GPHN: variants seen among roughly 807,000 people sequenced by gnomAD.
GPHN encodes the protein gephyrin.
Under a neutral mutation model 95.5 loss-of-function variants are expected in GPHN, and 17 were observed. The observed-to-expected ratio is 0.18, with a 90% CI of 0.12 to 0.27. The LOEUF (loss-of-function observed/expected upper bound fraction) is 0.27, where lower values mean the gene tolerates loss of function less well. Ranked by LOEUF, GPHN falls within the 10% of genes least tolerant of loss-of-function variation. The pLI is 1.00. For synonymous variants in GPHN, 320 were observed against 322.5 expected (o/e 0.99, Z 0.08); for missense variants, 660 against 978.1 (o/e 0.67, Z 4.34).
intron 13 of GPHN, among the ~76,000 whole-genome samples, chr14:67,108,563 G>A (rs929632787): frequency 2.0e-5 from 3 of 152,068 alleles, no homozygotes; most frequent in Non-Finnish European, 2.9e-5. Context: ...TAGATTGTGG[G>A]TTCAATAAAT....
the GPHN span, chr14:67,674,573 G>A: frequency 1.0e-5 from 13 of 1,250,630 alleles, no homozygotes; most frequent in Non-Finnish European, 1.4e-5. Flanking sequence ...GCCCAGCCCA[G>A]TGGCCATAAC....
chr14:67,395,985 T>G, the GPHN span, among the ~76,000 whole-genome samples: 1 of 152,122 alleles, frequency 6.6e-6, no homozygotes, highest in African/African-American at 2.4e-5. Context: ...CCCGGGCACA[T>G]TAGGAAATGA....
chr14:66,660,739 C>G (rs182355177), intron 1 of GPHN, among the ~76,000 whole-genome samples: 6 of 152,232 alleles, frequency 3.9e-5, no homozygotes, highest in Non-Finnish European at 5.9e-5. Context: ...CATCCAGGTA[C>G]TTGCATTGGG....
At chr14:66,900,338 C>T (rs2065064550) in intron 5 of GPHN, among the ~76,000 whole-genome samples, 1 of 151,762 alleles carries the variant, frequency 6.6e-6, no homozygotes, top group Admixed American at 6.6e-5. Context: ...TGATTTGAGA[C>T]TTTTCTAATG....
chr14:67,081,572 T>C (rs2076698073), intron 11 of GPHN, among the ~76,000 whole-genome samples: 1 of 152,242 alleles, frequency 6.6e-6, no homozygotes, highest in Non-Finnish European at 1.5e-5. Context: ...GCTGATTGTT[T>C]CTTTTGCTGT....
intron 2 of GPHN, among the ~76,000 whole-genome samples, chr14:66,697,695 CT>C (rs1355790070): frequency 1.7e-4 from 11 of 64,092 alleles, no homozygotes; most frequent in African/African-American, 6.6e-4. Context: ...TTTTTCTTTT[CT>C]TTTTTTTTTG....
chr14:67,620,085 G>A, the GPHN span: 735 of 1,601,366 alleles, frequency 4.6e-4, 1 homozygote, highest in African/African-American at 8.8e-3. Flanking sequence ...TCTCACAAGG[G>A]CAGGTGAGAA....
chr14:66,528,950 C>T (rs1235659292), intron 1 of GPHN, among the ~76,000 whole-genome samples: 1 of 152,092 alleles, frequency 6.6e-6, no homozygotes, highest in African/African-American at 2.4e-5. Flanking sequence ...CTTGGGGTTG[C>T]TCTTCTCAAG....
chr14:67,512,976 T>C, the GPHN span, among the ~76,000 whole-genome samples: 2 of 152,142 alleles, frequency 1.3e-5, no homozygotes, highest in Non-Finnish European at 2.9e-5. Flanking sequence ...TTAGAAACAA[T>C]ATGTAAATCT....
chr14:67,261,727 C>T, the GPHN span, among the ~76,000 whole-genome samples: 1 of 151,772 alleles, frequency 6.6e-6, no homozygotes, highest in Admixed American at 6.6e-5. Context: ...CACATATCTA[C>T]CATTTCTCTA....
chr14:67,200,921 A>G, the GPHN span, among the ~76,000 whole-genome samples: 4 of 152,208 alleles, frequency 2.6e-5, no homozygotes, highest in African/African-American at 9.7e-5. Flanking sequence ...ATATCCTTCA[A>G]GATGCACAAC....
intron 6 of GPHN, among the ~76,000 whole-genome samples, chr14:66,919,613 T>A (rs2066098854): frequency 6.6e-6 from 1 of 152,214 alleles, no homozygotes; most frequent in South Asian, 2.1e-4. Flanking sequence ...CTGTCTCCTA[T>A]TAAACAATCT....
chr14:66,578,174 G>A (rs188125686), intron 1 of GPHN, among the ~76,000 whole-genome samples: 9 of 151,478 alleles, frequency 5.9e-5, no homozygotes, highest in Admixed American at 1.3e-4. Context: ...TGGCTGAACC[G>A]AAGATATCTA....
intron 5 of GPHN, among the ~76,000 whole-genome samples, chr14:66,883,862 A>G (rs1019310013): frequency 1.3e-5 from 2 of 152,088 alleles, no homozygotes; most frequent in Non-Finnish European, 2.9e-5. Flanking sequence ...TGTCCCACGT[A>G]TTCACAGCTC....
At chr14:66,678,386 T>C (rs990544872) in intron 1 of GPHN, among the ~76,000 whole-genome samples, 1 of 151,962 alleles carries the variant, frequency 6.6e-6, no homozygotes, top group African/African-American at 2.4e-5. Flanking sequence ...CAATTGTATT[T>C]TTTTAATTTT....
At chr14:66,761,312 G>T (rs1275518421) in intron 2 of GPHN, among the ~76,000 whole-genome samples, 2 of 152,090 alleles carry the variant, frequency 1.3e-5, no homozygotes, top group African/African-American at 4.8e-5. Flanking sequence ...GCACTAGGCA[G>T]CATTTGTATA....
At chr14:67,196,177 A>G in the GPHN span, among the ~76,000 whole-genome samples, 1 of 150,518 alleles carries the variant, frequency 6.6e-6, no homozygotes, top group Non-Finnish European at 1.5e-5. Context: ...GACAAGTTTC[A>G]TACTGGAGCT....
the GPHN span, chr14:67,590,004 A>C: frequency 1.4e-6 from 2 of 1,477,094 alleles, no homozygotes; most frequent in South Asian, 2.7e-5. Context: ...GATGGTTTGG[A>C]GTACGGAAAA....
chr14:66,598,768 A>T (rs1250089273), intron 1 of GPHN, among the ~76,000 whole-genome samples: 1 of 151,260 alleles, frequency 6.6e-6, no homozygotes, highest in Admixed American at 6.6e-5. Flanking sequence ...TCGCTTGACC[A>T]CGGAGGTTGC....
Sources: gnomAD v4.1 joint callset for allele counts (sites outside exome capture counted in the v4.1 genomes callset) on GRCh38, gnomAD v4.1.1 for gene constraint, MANE v1.5 for transcripts, NCBI Gene and HGNC (gene_info 2026-07-23, HGNC 2026-07-21) for gene names.